The following ACVR1 variants were observed in gnomAD, a reference collection of about 807,000 sequenced individuals.
ACVR1 encodes the protein activin A receptor type 1.
A neutral mutation model predicts 57.1 loss-of-function variants in ACVR1; 38 were observed. The observed-to-expected ratio is 0.67, with a 90% CI of 0.51 to 0.87. ACVR1 has a LOEUF of 0.87. Among genes scored for constraint, ACVR1 ranks in the 40% least tolerant of loss-of-function variants. The pLI is 0.00. For missense variants in ACVR1, 463 were observed against 638.2 expected (o/e 0.73, Z 2.96); for synonymous variants, 212 against 228.1 (o/e 0.93, Z 0.63).
At chr2:157,863,056 C>CT (rs1421791281) in intron 1 of ACVR1, among the ~76,000 whole-genome samples, 16 of 116,950 alleles carry the variant, frequency 1.4e-4, no homozygotes, top group Non-Finnish European at 2.1e-4. Flanking sequence ...CAGTCTCACT[C>CT]TGTCACCCAG....
intron 2 of ACVR1, among the ~76,000 whole-genome samples, chr2:157,812,496 CA>C (rs1169204975): frequency 6.6e-6 from 1 of 151,418 alleles, no homozygotes; most frequent in Non-Finnish European, 1.5e-5. Flanking sequence ...ATGGTGATCA[CA>C]AAAAAAATTC....
chr2:157,863,579 C>T lies in ACVR1; in HGVS notation c.-183+12217G>A, dbSNP rs563870941. Among the ~76,000 whole-genome samples the T allele has an allele frequency of 3.3e-5, 5 of 150,880 alleles. No homozygotes were observed. In the South Asian group the frequency reaches 8.5e-4, roughly 26 times the overall value. On this transcript the variant is annotated intron_variant, in intron 1 of 10. Transcript: ENST00000434821. ...GGGTGCAGTGGTGCATGCCTGTAAT[C>T]CCACCTACTTAGGAGGCTGAGGCAT...
chr2:157,745,246 G>A (rs1379694450), intron 9 of ACVR1, among the ~76,000 whole-genome samples: 1 of 152,172 alleles, frequency 6.6e-6, no homozygotes, highest in Non-Finnish European at 1.5e-5. Context: ...ATGCTGCATG[G>A]CTATTCCCTG....
chr2:157,762,557 G>C (rs1399040486), intron 8 of ACVR1, among the ~76,000 whole-genome samples: 1 of 152,270 alleles, frequency 6.6e-6, no homozygotes, highest in East Asian at 1.9e-4. Flanking sequence ...AGAACATGGA[G>C]ATATTCTGAA....
rs753602857 is a variant in ACVR1, at chr2:157,760,845, G to C, written c.1264+35C>G. 3.7e-6 allele frequency: 6 copies of C among 1,603,086 alleles called. No individual in the cohort carries two copies. The South Asian group carries it at 6.6e-5, about 18-fold the overall frequency. ...AAGGTAGCTGGATCAAGAGAACTTG[G>C]ATTAAGACAATATTATATTAGATTA... On this transcript the variant is annotated intron_variant, in intron 9 of 10. Transcript: ENST00000434821.
chr2:157,864,519 C>T (rs12998174), intron 1 of ACVR1, among the ~76,000 whole-genome samples: 3,969 of 152,272 alleles, frequency 0.026, 69 homozygotes, highest in Middle Eastern at 0.065. Flanking sequence ...CACACTTGGA[C>T]ACCACACTTG....
intron 2 of ACVR1, among the ~76,000 whole-genome samples, chr2:157,814,632 G>C (rs1687866855): frequency 6.6e-6 from 1 of 152,092 alleles, no homozygotes; most frequent in Admixed American, 6.5e-5. Context: ...ACTAGAAATG[G>C]ATCCCATAGA....
At chr2:157,745,931 T>C (rs1027347901) in intron 9 of ACVR1, among the ~76,000 whole-genome samples, 6 of 152,108 alleles carry the variant, frequency 3.9e-5, no homozygotes, top group African/African-American at 1.4e-4. Context: ...GCACCAAATA[T>C]AAGCTTATTC....
intron 7 of ACVR1, 144 bp from the exon 8 acceptor site, chr2:157,766,340 G>A: frequency 2.4e-6 from 2 of 824,690 alleles, no homozygotes; most frequent in Middle Eastern, 3.2e-4. Flanking sequence ...GAGGTTTACA[G>A]AAGCATCAAC....
chr2:157,835,045 G>A (rs1393910901), intron 1 of ACVR1, among the ~76,000 whole-genome samples: 1 of 152,118 alleles, frequency 6.6e-6, no homozygotes, highest in African/African-American at 2.4e-5. Flanking sequence ...CACAGCCTCT[G>A]GAATTTTGTC....
intron 3 of ACVR1, among the ~76,000 whole-genome samples, chr2:157,788,685 A>G (rs1280749353): frequency 7.2e-5 from 11 of 152,188 alleles, no homozygotes. Context: ...AAGGTTCAAT[A>G]CTATCTGTGG....
intron 3 of ACVR1, among the ~76,000 whole-genome samples, chr2:157,795,299 A>G (rs1482208530): frequency 6.6e-6 from 1 of 151,970 alleles, no homozygotes; most frequent in African/African-American, 2.4e-5. Context: ...AGGATACTAG[A>G]GTGTATTATA....
rs189316182 is a variant in ACVR1, at chr2:157,845,259, G to A, written c.-182-26700C>T. 2.0e-4 allele frequency among the ~76,000 whole-genome samples: 30 copies of A among 152,308 alleles called. 1 individual carries two copies. Among genetic ancestry groups the A allele is most frequent in the African/African-American group, 7.2e-4 (30 of 41,564 alleles). On this transcript the variant is annotated intron_variant, in intron 1 of 10. Transcript: ENST00000434821. ...CGTTCTAACCTTGGAACCTGTGAGT[G>A]TGACCTTATTTGGGAAAAGGGTCTT...
chr2:157,792,822 G>A (rs1302459425), intron 3 of ACVR1, among the ~76,000 whole-genome samples: 3 of 152,142 alleles, frequency 2.0e-5, no homozygotes, highest in African/African-American at 7.2e-5. Context: ...TATGCAGTGG[G>A]TCTTACTCCA....
chr2:157,740,080 G>T (rs532787730), intron 9 of ACVR1, among the ~76,000 whole-genome samples: 12 of 152,002 alleles, frequency 7.9e-5, no homozygotes, highest in Non-Finnish European at 1.3e-4. Flanking sequence ...GCTAACTCAG[G>T]AGGCTGAGGC....
At chr2:157,867,032 C>G (rs975429208) in intron 1 of ACVR1, among the ~76,000 whole-genome samples, 6 of 152,192 alleles carry the variant, frequency 3.9e-5, no homozygotes, top group African/African-American at 1.4e-4. Context: ...CAGCTTCTCA[C>G]AGGGCTCAAG....
chr2:157,747,136 A>C (rs1046288249), intron 9 of ACVR1, among the ~76,000 whole-genome samples: 4 of 152,342 alleles, frequency 2.6e-5, no homozygotes, highest in Admixed American at 1.3e-4. Flanking sequence ...CATATATTTA[A>C]ATGAGATACA....
intron 9 of ACVR1, among the ~76,000 whole-genome samples, chr2:157,748,338 G>C (rs1257251046): frequency 1.3e-5 from 2 of 152,026 alleles, no homozygotes; most frequent in Admixed American, 6.5e-5. Flanking sequence ...TCTTCATTTG[G>C]GGCAAGTTCC....
intron 9 of ACVR1, among the ~76,000 whole-genome samples, chr2:157,758,331 C>T (rs575503595): frequency 1.8e-4 from 27 of 152,062 alleles, no homozygotes; most frequent in Admixed American, 1.3e-3. Context: ...TACCACAGTT[C>T]GTCCTGTGAA....
Sources: gnomAD v4.1 joint callset for allele counts (sites outside exome capture counted in the v4.1 genomes callset) on GRCh38, gnomAD v4.1.1 for gene constraint, MANE v1.5 for transcripts, NCBI Gene and HGNC (gene_info 2026-07-23, HGNC 2026-07-21) for gene names.